Variants in KPNA3 observed in about 807,000 individuals in gnomAD.
KPNA3 encodes the protein karyopherin subunit alpha 3, also known as importin subunit alpha-4.
In KPNA3, 13 loss-of-function variants were observed where a neutral mutation model predicts 73.8. The observed-to-expected ratio is 0.18, with a 90% confidence interval of 0.11 to 0.28. The LOEUF (loss-of-function observed/expected upper bound fraction) is 0.28, where lower values mean the gene tolerates loss of function less well. Among genes scored for constraint, KPNA3 ranks in the 10% least tolerant of loss-of-function variants. The pLI, the probability that KPNA3 is intolerant of heterozygous loss-of-function variation, is 1.00. For missense variants in KPNA3, 360 were observed against 618.1 expected, an observed-to-expected ratio of 0.58 and a Z score of 4.43; for synonymous variants, 186 against 206.9, an observed-to-expected ratio of 0.90 and a Z score of 0.87.
At chr13:49,719,705 A>T in intron 10 of KPNA3, 70 bp downstream of exon 10, 1 of 980,030 alleles carries the variant, frequency 1.0e-6, no homozygotes. Flanking sequence ...ATGTATGCTG[A>T]CACTTACATA....
intron 1 of KPNA3, among the ~76,000 whole-genome samples, chr13:49,748,195 G>A (rs1210882268): frequency 6.6e-6 from 1 of 152,048 alleles, no homozygotes; most frequent in Non-Finnish European, 1.5e-5. Context: ...TCTGATGTCT[G>A]CAATCAATGA....
rs562381230 is a variant in KPNA3 at position 49,760,815 on chromosome 13, C to T, written c.70-13822G>A. 3.3e-5 allele frequency among the ~76,000 whole-genome samples: 5 copies of T among 152,186 alleles called. No homozygotes were observed. In the South Asian group the frequency reaches 1.0e-3, roughly 32 times the overall value. ...GTTAGTAGACTGATAGGGGAAGTTT[C>T]ACTCTCAATGTGGGTGGGCAGCATT... is the stretch of plus-strand genomic sequence containing the variant. On this transcript the variant is annotated intron_variant, in intron 1 of 16. Coordinates refer to ENST00000261667, the MANE Select transcript of KPNA3 (RefSeq NM_002267.4).
intron 1 of KPNA3, among the ~76,000 whole-genome samples, chr13:49,790,485 T>G (rs185937118): frequency 6.6e-6 from 1 of 152,372 alleles, no homozygotes; most frequent in East Asian, 1.9e-4. Flanking sequence ...TTTACTCATG[T>G]AAAGTGGGGA....
At chr13:49,730,966 G>T (rs1016925533) in intron 6 of KPNA3, among the ~76,000 whole-genome samples, 3 of 149,734 alleles carry the variant, frequency 2.0e-5, no homozygotes, top group African/African-American at 7.4e-5. Flanking sequence ...TTTTTTAATA[G>T]AGACAGGGTT....
chr13:49,755,543 T>A (rs531439927), intron 1 of KPNA3, among the ~76,000 whole-genome samples: 1 of 152,352 alleles, frequency 6.6e-6, no homozygotes, highest in South Asian at 2.1e-4. Context: ...ACTCCTGTAA[T>A]CCCAGCACTT....
At chr13:49,758,158 G>A (rs535277601) in intron 1 of KPNA3, among the ~76,000 whole-genome samples, 60 of 151,974 alleles carry the variant, frequency 3.9e-4, no homozygotes, top group Admixed American at 1.2e-3. Context: ...CAAACTAGAG[G>A]CCAAAAGTAT....
intron 10 of KPNA3, among the ~76,000 whole-genome samples, chr13:49,717,169 A>T (rs1334905152): frequency 6.6e-6 from 1 of 152,202 alleles, no homozygotes; most frequent in Non-Finnish European, 1.5e-5. Flanking sequence ...AGATAATTTT[A>T]TCTGTATAAA....
intron 10 of KPNA3, among the ~76,000 whole-genome samples, chr13:49,713,030 G>A (rs1454625704): frequency 2.7e-5 from 4 of 149,490 alleles, no homozygotes; most frequent in African/African-American, 9.8e-5. Context: ...CCAATTCCAC[G>A]CTGTATACAA....
At chr13:49,758,446 A>T (rs1954730095) in intron 1 of KPNA3, among the ~76,000 whole-genome samples, 1 of 152,220 alleles carries the variant, frequency 6.6e-6, no homozygotes, top group South Asian at 2.1e-4. Flanking sequence ...AACTACCAGG[A>T]AAACTCCAAA....
Position 49,792,442 on chromosome 13 carries a change from A to C in KPNA3, c.65T>G (p.Val22Gly). 1 of 1,573,682 alleles carries C rather than the reference A, an allele frequency of 6.4e-7. No homozygotes were observed. Among genetic ancestry groups the C allele is most frequent in the Non-Finnish European group, 8.6e-7 (1 of 1,161,768 alleles). ...IKSFKNKGRD[V>G]ETMRRHRNEV... ...AGACCGCGGAAGCACACTCACTTCC[A>C]CATCGCGGCCCTTGTTCTTGAAGCT... Residue 22 changes from valine to glycine, a missense_variant, in exon 1 of 17, where the codon GTG (valine) becomes GGG (glycine). Coordinates refer to ENST00000261667, the MANE Select transcript of KPNA3 (RefSeq NM_002267.4).
At chr13:49,725,753 C>T (rs747170985) in intron 6 of KPNA3, among the ~76,000 whole-genome samples, 2 of 151,800 alleles carry the variant, frequency 1.3e-5, no homozygotes, top group Admixed American at 6.6e-5. Context: ...AAGTGATTCT[C>T]GTCTCCACCT....
chr13:49,717,276 A>C (rs547186619), intron 10 of KPNA3, among the ~76,000 whole-genome samples: 36 of 152,124 alleles, frequency 2.4e-4, no homozygotes, highest in African/African-American at 8.7e-4. Flanking sequence ...AAACTCATAT[A>C]AAAAATTAGC....
intron 1 of KPNA3, among the ~76,000 whole-genome samples, chr13:49,768,802 G>A (rs1042348781): frequency 5.3e-5 from 8 of 152,066 alleles, no homozygotes; most frequent in African/African-American, 1.9e-4. Context: ...TTTAAAAACT[G>A]CCAAGAATTT....
rs1352291960 is a variant in KPNA3, at chr13:49,768,235, C to T, written c.70-21242G>A. On this transcript the variant is annotated intron_variant, in intron 1 of 16. Coordinates refer to ENST00000261667, the MANE Select transcript of KPNA3 (RefSeq NM_002267.4). ...CTGAAGCTGCAGTGAGCCAAGATCG[C>T]GCCACTGCACTCCAGCCTGGGCAAC... 6.7e-5 allele frequency among the ~76,000 whole-genome samples: 10 copies of T among 148,346 alleles called. 1 individual carries two copies. Among genetic ancestry groups the T allele is most frequent in the Non-Finnish European group, 1.5e-5 (1 of 67,534 alleles).
intron 6 of KPNA3, among the ~76,000 whole-genome samples, chr13:49,727,296 A>G (rs1490152993): frequency 6.6e-6 from 1 of 151,942 alleles, no homozygotes; most frequent in Non-Finnish European, 1.5e-5. Context: ...AAAAATACAA[A>G]AATTAGCTGG....
At chr13:49,787,511 ATTTG>A (rs1215075267) in intron 1 of KPNA3, among the ~76,000 whole-genome samples, 1 of 151,832 alleles carries the variant, frequency 6.6e-6, no homozygotes, top group Non-Finnish European at 1.5e-5. Context: ...ATCAAGCTTT[ATTTG>A]TTTGTTTTTG....
chr13:49,710,883 A>G lies in KPNA3; in HGVS notation c.903+8T>C. 1 of 1,609,202 alleles carries G rather than the reference A, an allele frequency of 6.2e-7. No homozygotes were observed. On this transcript the variant is annotated splice_region_variant and intron_variant, in intron 11 of 16. Coordinates refer to ENST00000261667, the MANE Select transcript of KPNA3 (RefSeq NM_002267.4). ...GTATACAAATAAGAAAAATTTAAAA[A>G]TACTTACTTGAACTTTGACTTCCTG...
chr13:49,726,129 A>T (rs1033596477), intron 6 of KPNA3, among the ~76,000 whole-genome samples: 1 of 152,196 alleles, frequency 6.6e-6, no homozygotes, highest in Non-Finnish European at 1.5e-5. Context: ...ACATTTATAT[A>T]ATCACCCCTA....
intron 12 of KPNA3, among the ~76,000 whole-genome samples, chr13:49,707,918 C>T (rs1180743529): frequency 6.6e-6 from 1 of 151,996 alleles, no homozygotes; most frequent in Non-Finnish European, 1.5e-5. Flanking sequence ...ATCAGTTCTG[C>T]TGGGTTTGGG....
Sources: gnomAD v4.1 joint callset for allele counts (sites outside exome capture counted in the v4.1 genomes callset) on GRCh38, gnomAD v4.1.1 for gene constraint, MANE v1.5 for transcripts, NCBI Gene and HGNC (gene_info 2026-07-23, HGNC 2026-07-21) for gene names.